The following LMNTD1 variants were observed in gnomAD, a reference collection of about 807,000 sequenced individuals.
LMNTD1 encodes the protein lamin tail domain-containing protein 1.
In LMNTD1, 35 loss-of-function variants were observed where a neutral mutation model predicts 50.9. That is an observed-to-expected ratio of 0.69 (90% confidence interval 0.53 to 0.91). LMNTD1 has a LOEUF of 0.91. LMNTD1 is among the 40% of genes least tolerant of loss of function. LMNTD1 has a pLI of 0.00. For synonymous variants in LMNTD1, 153 were observed against 161.9 expected, an observed-to-expected ratio of 0.94 and a Z score of 0.42; for missense variants, 470 against 475.5, an observed-to-expected ratio of 0.99 and a Z score of 0.11.
intron 1 of LMNTD1, among the ~76,000 whole-genome samples, chr12:25,594,411 G>A (rs1290058258): frequency 1.3e-5 from 2 of 152,022 alleles, no homozygotes; most frequent in African/African-American, 4.8e-5. Context: ...CCTATCTTCA[G>A]CCTCCTCAAA....
At chr12:25,536,933 G>T (rs1244836473) in intron 4 of LMNTD1, among the ~76,000 whole-genome samples, 3 of 149,334 alleles carry the variant, frequency 2.0e-5, no homozygotes, top group Non-Finnish European at 4.5e-5. Context: ...AGGGGTCAGG[G>T]AGTTCCCTTT....
chr12:25,583,014 AT>A (rs34107463), intron 1 of LMNTD1, among the ~76,000 whole-genome samples: 25,246 of 135,220 alleles, frequency 0.19, 2,647 homozygotes, highest in African/African-American at 0.32. Context: ...TGCCTGGATA[AT>A]TTTTTTTTTT....
At chr12:25,478,311 A>G (rs1189418822) in intron 9 of LMNTD1, among the ~76,000 whole-genome samples, 3 of 152,238 alleles carry the variant, frequency 2.0e-5, no homozygotes, top group African/African-American at 7.2e-5. Context: ...CACCTAAGAT[A>G]ATATAACTAT....
At chr12:25,488,874 G>A (rs1353404839) in intron 9 of LMNTD1, among the ~76,000 whole-genome samples, 1 of 152,200 alleles carries the variant, frequency 6.6e-6, no homozygotes, top group East Asian at 1.9e-4. Context: ...CAGGTCTGTT[G>A]GAATACCCTG....
intron 8 of LMNTD1, among the ~76,000 whole-genome samples, chr12:25,507,087 G>A (rs575533373): frequency 5.9e-5 from 9 of 152,102 alleles, no homozygotes; most frequent in African/African-American, 2.2e-4. Context: ...TGTTGGCCAG[G>A]CTGGTCTCAA....
chr12:25,612,432 T>C (rs932821462), intron 1 of LMNTD1, among the ~76,000 whole-genome samples: 1 of 152,180 alleles, frequency 6.6e-6, no homozygotes, highest in Admixed American at 6.6e-5. Flanking sequence ...TCCCTTTTTC[T>C]AGACTTCTTT....
chr12:25,541,198 C>A (rs867130860), intron 4 of LMNTD1, among the ~76,000 whole-genome samples: 1,996 of 76,610 alleles, frequency 0.026, 144 homozygotes, highest in African/African-American at 0.069. Context: ...GCTACCAATG[C>A]CTTTCTTCAC....
At chr12:25,534,410 G>C in intron 4 of LMNTD1, among the ~76,000 whole-genome samples, 1 of 152,166 alleles carries the variant, frequency 6.6e-6, no homozygotes, top group Non-Finnish European at 1.5e-5. Flanking sequence ...GAGAAATGTA[G>C]TGAGACTTAA....
rs1274613295 is a variant in LMNTD1 at position 25,527,663 on chromosome 12, TATATATATATATATATATACAC to T, written c.492-730_492-709del. Among the ~76,000 whole-genome samples the T allele has an allele frequency of 0.014, 375 of 27,474 alleles. 6 individuals carry two copies. The East Asian group carries it at 0.19, about 14-fold the overall frequency. 18.0% of individuals were successfully genotyped at this position (27,474 alleles called of 152,430 possible). On this transcript the variant is annotated intron_variant, in intron 4 of 9. Coordinates refer to ENST00000458174, the MANE Select transcript of LMNTD1 (RefSeq NM_001145728.2). ...CACTATATATATATATATATATATA[TATATATATATATATATATACAC>T]ACACACACACACACACACACACACA...
Position 25,562,755 on chromosome 12 carries a change from C to T in LMNTD1, c.59-16201G>A, listed in dbSNP as rs11534744. On this transcript the variant is annotated intron_variant, in intron 1 of 7. Transcript: ENST00000445693. Reference sequence around the variant, plus strand: ...TTTTCTAATTTGGTTCCATTCTCCCCGTCACTTTCAGGTACACCAATCCGA... The same window carrying T: ...TTTTCTAATTTGGTTCCATTCTCCCTGTCACTTTCAGGTACACCAATCCGA... 0.026 allele frequency among the ~76,000 whole-genome samples: 3,961 copies of T among 152,306 alleles called. 424 individuals are homozygous for T. In the East Asian group the frequency reaches 0.37, roughly 14 times the overall value.
Position 25,615,087 on chromosome 12 carries a change from G to A in LMNTD1, c.58+33407C>T, listed in dbSNP as rs1946325266. ...AAAGGACGTCAACCGATAAATACAG[G>A]GGGGCACAATCCAGCCTGTAATAGT... is the stretch of plus-strand genomic sequence containing the variant. On this transcript the variant is annotated intron_variant, in intron 1 of 7. Coordinates refer to the LMNTD1 transcript ENST00000445693. Among the ~76,000 whole-genome samples the A allele has an allele frequency of 3.3e-5, 5 of 152,124 alleles. No individual in the cohort carries two copies. The South Asian group carries it at 8.3e-4, about 25-fold the overall frequency.
chr12:25,484,346 G>A (rs1938543945), intron 9 of LMNTD1, among the ~76,000 whole-genome samples: 1 of 151,882 alleles, frequency 6.6e-6, no homozygotes, highest in Admixed American at 6.5e-5. Flanking sequence ...CAAACCTCTG[G>A]CCTTAGCCTT....
intron 1 of LMNTD1, among the ~76,000 whole-genome samples, chr12:25,633,263 A>T (rs1386949652): frequency 6.6e-6 from 1 of 152,150 alleles, no homozygotes; most frequent in South Asian, 2.1e-4. Context: ...CACTAGATAG[A>T]TCATCAAGAC....
At chr12:25,489,174 C>T (rs1001109237) in intron 9 of LMNTD1, among the ~76,000 whole-genome samples, 5 of 152,046 alleles carry the variant, frequency 3.3e-5, no homozygotes, top group Non-Finnish European at 7.4e-5. Context: ...AGCTTCCCGG[C>T]TGCTTTGTTT....
At chr12:25,583,763 A>G (rs541220390) in intron 1 of LMNTD1, among the ~76,000 whole-genome samples, 2 of 152,280 alleles carry the variant, frequency 1.3e-5, no homozygotes, top group East Asian at 3.9e-4. Flanking sequence ...TTAGACAGTG[A>G]TAAGAAATGA....
chr12:25,484,600 C>T (rs1938555474), intron 9 of LMNTD1, among the ~76,000 whole-genome samples: 1 of 150,286 alleles, frequency 6.7e-6, no homozygotes. Flanking sequence ...GTGCGCTGCA[C>T]CCACTAACTC....
intron 4 of LMNTD1, among the ~76,000 whole-genome samples, chr12:25,533,396 T>C (rs1340707299): frequency 6.6e-6 from 1 of 152,206 alleles, no homozygotes; most frequent in Non-Finnish European, 1.5e-5. Flanking sequence ...AGGAGAAACA[T>C]GGCTAAGTCA....
At position 25,549,841 on chromosome 12, in the gene LMNTD1, C is replaced by G. The variant is rs1591990019; in HGVS notation, c.90-295G>C. On this transcript the variant is annotated intron_variant, in intron 2 of 9. Coordinates refer to ENST00000458174, the MANE Select transcript of LMNTD1 (RefSeq NM_001145728.2). ...ATACTAATCATTACAATGCCACCAA[C>G]AAGACATTTTACCATCTCCTTCCAG... Among the ~76,000 whole-genome samples, 3 of 152,230 alleles carry G rather than the reference C, an allele frequency of 2.0e-5. No individual in the cohort carries two copies. In the South Asian group the frequency reaches 6.2e-4, roughly 32 times the overall value.
Position 25,546,372 on chromosome 12 carries a change from A to T in LMNTD1, c.491+2T>A, listed in dbSNP as rs2136225089. On this transcript the variant is annotated splice_donor_variant, in intron 4 of 9. Transcript: ENST00000458174. LOFTEE classifies it high-confidence loss of function. ...ACTAAGTAGTTCAAATAAAATATGT[A>T]CCTGGAGGTAAATTGGCCAACTTCT... 6.4e-7 allele frequency: 1 copy of T among 1,567,730 alleles called. No homozygotes were observed. The highest frequency in any genetic ancestry group is 1.2e-5 in the South Asian group (1 of 84,384).
Sources: gnomAD v4.1 joint callset for allele counts (sites outside exome capture counted in the v4.1 genomes callset) on GRCh38, gnomAD v4.1.1 for gene constraint, MANE v1.5 for transcripts, NCBI Gene and HGNC (gene_info 2026-07-23, HGNC 2026-07-21) for gene names.